EML1: variants seen among roughly 807,000 people sequenced by gnomAD.
The protein encoded by EML1 is EMAP like 1.
EML1 carries 27 observed loss-of-function variants against 110.4 expected under a neutral mutation model. The observed-to-expected ratio is 0.24, with a 90% CI of 0.18 to 0.34. The LOEUF is 0.34. Among genes scored for constraint, EML1 ranks in the 10% least tolerant of loss-of-function variants. The pLI, the probability that EML1 is intolerant of heterozygous loss-of-function variation, is 1.00. For synonymous variants in EML1, 344 were observed against 385.8 expected (o/e 0.89, Z 1.27); for missense variants, 741 against 1,030.9 (o/e 0.72, Z 3.85).
intron 17 of EML1, among the ~76,000 whole-genome samples, chr14:99,932,160 G>A (rs998253569): frequency 1.4e-4 from 22 of 152,180 alleles, no homozygotes; most frequent in African/African-American, 4.6e-4. Flanking sequence ...CTGGGGTTGT[G>A]GATGGTACGA....
chr14:99,866,263 TTTTAAGTG>T (rs2059097001), intron 3 of EML1, among the ~76,000 whole-genome samples: 1 of 151,902 alleles, frequency 6.6e-6, no homozygotes, highest in Admixed American at 6.6e-5. Flanking sequence ...CCTTAACCAT[TTTTAAGTG>T]TAGAGTTCAG....
At chr14:99,879,768 A>C (rs7160621) in intron 4 of EML1, among the ~76,000 whole-genome samples, 3,222 of 152,324 alleles carry the variant, frequency 0.021, 124 homozygotes, top group African/African-American at 0.074. Context: ...AATGAGGCCA[A>C]GTGGTTACAG....
intron 1 of EML1, among the ~76,000 whole-genome samples, chr14:99,849,429 A>G (rs188481946): frequency 1.2e-3 from 184 of 151,906 alleles, no homozygotes; most frequent in African/African-American, 4.2e-3. Flanking sequence ...TTTGACTATA[A>G]TGTACCTTGA....
At chr14:99,900,908 C>G in intron 8 of EML1, 21 bp from the exon 9 acceptor site, 1 of 1,602,776 alleles carries the variant, frequency 6.2e-7, no homozygotes, top group Non-Finnish European at 8.5e-7. Flanking sequence ...ATTGATGGCT[C>G]TGTGTTTCTT....
intron 1 of EML1, among the ~76,000 whole-genome samples, chr14:99,774,962 G>A (rs61190577): frequency 0.066 from 10,038 of 152,216 alleles, 920 homozygotes; most frequent in African/African-American, 0.21. Context: ...TTACTAATTA[G>A]CTTAAAATGG....
At chr14:99,792,933 G>A (rs999007509), upstream of EML1, 4 of 152,226 alleles carry the variant, frequency 2.6e-5, 1 homozygote, top group Non-Finnish European at 4.4e-5. Context: ...TTTGGTCGTG[G>A]AGCTGCCCGC....
intron 1 of EML1, among the ~76,000 whole-genome samples, chr14:99,805,117 A>G (rs1293420112): frequency 1.3e-5 from 2 of 152,170 alleles, no homozygotes; most frequent in African/African-American, 4.8e-5. Context: ...CAGGGCAGGT[A>G]GATGTAGGCG....
intron 4 of EML1, chr14:99,885,845 C>T (rs1019296129): frequency 6.8e-5 from 31 of 454,618 alleles, no homozygotes; most frequent in Admixed American, 6.2e-4. Flanking sequence ...TAACCTGTTC[C>T]TCACAGTGGT....
intron 17 of EML1, among the ~76,000 whole-genome samples, chr14:99,925,151 T>C (rs2060211278): frequency 6.6e-6 from 1 of 152,218 alleles, no homozygotes; most frequent in Admixed American, 6.5e-5. Context: ...GTTGGTGTTA[T>C]ATTAAATATT....
At chr14:99,914,357 G>T in intron 14 of EML1, 53 bp downstream of exon 14, 10 of 1,585,404 alleles carry the variant, frequency 6.3e-6, no homozygotes, top group South Asian at 1.1e-5. Flanking sequence ...CATTATATCA[G>T]ACCCTAATCA....
intron 4 of EML1, 25 bp downstream of exon 4, chr14:99,878,644 C>T (rs2059334784): frequency 6.2e-7 from 1 of 1,606,856 alleles, no homozygotes; most frequent in South Asian, 1.1e-5. Flanking sequence ...TCTCTCAGTT[C>T]CTGCTGTTCA....
chr14:99,828,829 T>C (rs1023638344), intron 1 of EML1, among the ~76,000 whole-genome samples: 2 of 152,296 alleles, frequency 1.3e-5, no homozygotes, highest in East Asian at 3.9e-4. Flanking sequence ...AAGGAAATCA[T>C]AAGGAAGAGA....
chr14:99,910,193 A>G, intron 11 of EML1, 49 bp from the exon 12 acceptor site: 1 of 1,302,884 alleles, frequency 7.7e-7, no homozygotes, highest in Non-Finnish European at 1.1e-6. Context: ...GAATATATAT[A>G]TGTTGTATGG....
chr14:99,896,457 A>C (rs755614159), intron 6 of EML1, among the ~76,000 whole-genome samples: 1 of 152,104 alleles, frequency 6.6e-6, no homozygotes, highest in Non-Finnish European at 1.5e-5. Flanking sequence ...GCTCGTCTTT[A>C]AGTCAGTAGT....
chr14:99,827,457 G>C lies in EML1; in HGVS notation c.68-23396G>C, dbSNP rs17099094. 1.3e-5 allele frequency among the ~76,000 whole-genome samples: 2 copies of C among 152,162 alleles called. No homozygotes were observed. Among genetic ancestry groups the C allele is most frequent in the Non-Finnish European group, 2.9e-5 (2 of 68,026 alleles). On this transcript the variant is annotated intron_variant, in intron 1 of 21. Transcript: ENST00000262233. This position sits in a 1 kb window ranked among gnomAD's most constrained non-coding sequence, Gnocchi z 4.4. ...GCGTATCCAGGCCCAGTAGGCACGA[G>C]TACTATAAATACCCTCTGTTATGGG...
At chr14:99,907,775 C>T (rs1406959699) in intron 10 of EML1, 42 bp downstream of exon 10, 1 of 1,596,632 alleles carries the variant, frequency 6.3e-7, no homozygotes, top group African/African-American at 1.3e-5. Context: ...AACATTTTCC[C>T]ATTCAGAGCC....
At chr14:99,838,919 G>GCGTC (rs1555394664) in intron 1 of EML1, 1 of 41,782 alleles carries the variant, frequency 2.4e-5, no homozygotes, top group South Asian at 9.3e-4. Flanking sequence ...GCGCGCGCGC[G>GCGTC]TGTGTGTGTG....
chr14:99,796,567 C>T (rs1330328103), intron 1 of EML1, among the ~76,000 whole-genome samples: 1 of 150,092 alleles, frequency 6.7e-6, no homozygotes, highest in East Asian at 2.0e-4. Context: ...TCACAGCTCA[C>T]TGCAGACTCA....
chr14:99,836,061 T>C (rs1188881790), intron 1 of EML1, among the ~76,000 whole-genome samples: 1 of 80,306 alleles, frequency 1.2e-5, no homozygotes, highest in African/African-American at 4.7e-5. Flanking sequence ...TGTTGATATT[T>C]ACAAAATAGC....
Sources: gnomAD v4.1 joint callset for allele counts (sites outside exome capture counted in the v4.1 genomes callset) on GRCh38, gnomAD v4.1.1 for gene constraint, Gnocchi (gnomAD v3.1) non-coding constraint, MANE v1.5 for transcripts, NCBI Gene and HGNC (gene_info 2026-07-23, HGNC 2026-07-21) for gene names.